Variants in ITGA8 observed in about 807,000 individuals in gnomAD.
The protein encoded by ITGA8 is integrin subunit alpha 8, also known as integrin alpha-8.
In ITGA8, 91 loss-of-function variants were observed where a neutral mutation model predicts 142.3. The ratio of observed to expected loss-of-function variants is 0.64; its 90% CI spans 0.54 to 0.76. The LOEUF (loss-of-function observed/expected upper bound fraction) is 0.76, where lower values mean the gene tolerates loss of function less well. Among genes scored for constraint, ITGA8 ranks in the 30% least tolerant of loss-of-function variants. The pLI is 0.00. For synonymous variants in ITGA8, 505 were observed against 485.2 expected (o/e 1.04, Z -0.54); for missense variants, 1,406 against 1,327.7 (o/e 1.06, Z -0.92).
intron 13 of ITGA8, among the ~76,000 whole-genome samples, chr10:15,632,726 G>T (rs1833705559): frequency 6.6e-6 from 1 of 152,046 alleles, no homozygotes; most frequent in African/African-American, 2.4e-5. Flanking sequence ...TACAAATCTG[G>T]GCTTTTTTTT....
rs1356127229 is a variant in ITGA8 at position 15,526,055 on chromosome 10, C to A, written c.2982+4995G>T. Among the ~76,000 whole-genome samples, 3 of 152,258 alleles carry A rather than the reference C, an allele frequency of 2.0e-5. No individual in the cohort carries two copies. In the East Asian group the frequency reaches 5.8e-4, roughly 29 times the overall value. ...TGAAATGTGTGAAAATGAAATAAAA[C>A]CACAAGTTCTTCAGTTCCACTAGCC... is the stretch of plus-strand genomic sequence containing the variant. On this transcript the variant is annotated intron_variant, in intron 28 of 29. Transcript: ENST00000378076.
intron 2 of ITGA8, among the ~76,000 whole-genome samples, chr10:15,697,068 A>ACACACACACACACACACACACACACAC (rs1564414009): frequency 3.3e-4 from 14 of 42,428 alleles, no homozygotes; most frequent in Admixed American, 7.7e-4. Flanking sequence ...CACACACACA[A>ACACACACACACACACACACACACACAC]GAAATAGTAT....
intron 26 of ITGA8, among the ~76,000 whole-genome samples, chr10:15,554,733 T>C (rs540226097): frequency 0.058 from 8,757 of 151,872 alleles, 364 homozygotes; most frequent in Non-Finnish European, 0.09. Context: ...CTTTCTTTCT[T>C]TCTTTCTTTC....
intron 13 of ITGA8, among the ~76,000 whole-genome samples, chr10:15,630,100 G>A (rs570546543): frequency 2.6e-5 from 4 of 152,008 alleles, no homozygotes; most frequent in East Asian, 1.9e-4. Context: ...AGGGTTAAAC[G>A]CTAGCCAAGA....
chr10:15,638,769 T>A (rs1370899343), intron 13 of ITGA8, among the ~76,000 whole-genome samples: 1 of 152,218 alleles, frequency 6.6e-6, no homozygotes, highest in African/African-American at 2.4e-5. Flanking sequence ...GAATTTTGTT[T>A]CTGATCTACT....
intron 7 of ITGA8, among the ~76,000 whole-genome samples, chr10:15,672,167 C>G (rs1012703397): frequency 3.3e-5 from 5 of 152,260 alleles, no homozygotes; most frequent in Non-Finnish European, 4.4e-5. Context: ...ATTTCTTTTT[C>G]AAATTCATCA....
Position 15,607,772 on chromosome 10 carries a change from G to T in ITGA8, c.1669C>A (p.Leu557Ile). Residue 557 changes from leucine (L) to isoleucine (I), a missense_variant, in exon 17 of 30, where the codon CTC becomes ATC. Coordinates refer to ENST00000378076, the MANE Select transcript of ITGA8 (RefSeq NM_003638.3). ...LKQKGAIKRT[L>I]FLDNHQAHRV... ...TGAGCCTGATGGTTATCAAGGAAGA[G>T]CGTCCGTTTAATAGCTCCTTTCTGT... 6.2e-7 allele frequency: 1 copy of T among 1,613,450 alleles called. No individual in the cohort carries two copies. Among genetic ancestry groups the T allele is most frequent in the African/African-American group, 1.3e-5 (1 of 75,032 alleles).
chr10:15,621,329 A>G (rs919156616), intron 13 of ITGA8, among the ~76,000 whole-genome samples: 2 of 152,192 alleles, frequency 1.3e-5, no homozygotes, highest in Admixed American at 1.3e-4. Flanking sequence ...ACAACTGAGT[A>G]CTTTTAAGGA....
At chr10:15,634,153 C>A (rs1393440904) in intron 13 of ITGA8, among the ~76,000 whole-genome samples, 1 of 152,142 alleles carries the variant, frequency 6.6e-6, no homozygotes, top group African/African-American at 2.4e-5. Flanking sequence ...TAGCAAGAAA[C>A]ACTCTCTCTT....
At chr10:15,697,341 G>T (rs186342103) in intron 2 of ITGA8, among the ~76,000 whole-genome samples, 34 of 152,250 alleles carry the variant, frequency 2.2e-4, no homozygotes, top group African/African-American at 7.9e-4. Flanking sequence ...ATCAATAATT[G>T]TGAAGAATGG....
intron 27 of ITGA8, among the ~76,000 whole-genome samples, chr10:15,532,452 TAGTTACAGCC>T (rs1448511053): frequency 1.9e-5 from 2 of 105,436 alleles, no homozygotes; most frequent in East Asian, 5.1e-4. Context: ...AAAAAGCCTC[TAGTTACAGCC>T]AGTTGTCCCC....
chr10:15,551,594 G>A (rs189451303), intron 26 of ITGA8, among the ~76,000 whole-genome samples: 9 of 152,186 alleles, frequency 5.9e-5, no homozygotes, highest in East Asian at 1.9e-4. Context: ...ATTCTTAGGC[G>A]GAGGAGAAAT....
At chr10:15,527,906 CT>C (rs34758919) in intron 28 of ITGA8, among the ~76,000 whole-genome samples, 25,332 of 76,910 alleles carry the variant, frequency 0.33, 10,061 homozygotes, top group South Asian at 0.46. Flanking sequence ...TTCGGCTGGG[CT>C]TTTTTTTTTT....
At chr10:15,651,914 C>A (rs1345216104) in intron 11 of ITGA8, among the ~76,000 whole-genome samples, 2 of 152,074 alleles carry the variant, frequency 1.3e-5, no homozygotes, top group African/African-American at 2.4e-5. Context: ...TACATAGCAT[C>A]TAAGTAATTA....
At chr10:15,671,698 A>C in intron 7 of ITGA8, 51 bp from the exon 8 acceptor site, 4 of 1,413,760 alleles carry the variant, frequency 2.8e-6, no homozygotes, top group South Asian at 1.2e-5. Flanking sequence ...ACTTAACCTA[A>C]TGAGTTATAT....
chr10:15,637,975 A>G (rs1833803124), intron 13 of ITGA8, among the ~76,000 whole-genome samples: 1 of 152,152 alleles, frequency 6.6e-6, no homozygotes. Context: ...ATAATATTCT[A>G]CAATAAGCAC....
At chr10:15,700,855 A>G (rs1261876009) in intron 2 of ITGA8, among the ~76,000 whole-genome samples, 2 of 151,990 alleles carry the variant, frequency 1.3e-5, no homozygotes, top group South Asian at 2.1e-4. Context: ...ACCCCTTTAC[A>G]TTGTCTTCAT....
chr10:15,541,435 G>A (rs1833567379), intron 27 of ITGA8, among the ~76,000 whole-genome samples: 3 of 152,138 alleles, frequency 2.0e-5, no homozygotes, highest in African/African-American at 7.2e-5. Flanking sequence ...TGTTCACTTT[G>A]TTCAAAGGTA....
intron 25 of ITGA8, among the ~76,000 whole-genome samples, chr10:15,558,684 G>A (rs1282908621): frequency 6.6e-6 from 1 of 152,134 alleles, no homozygotes; most frequent in Non-Finnish European, 1.5e-5. Flanking sequence ...CATCCACATG[G>A]CTGAACCCCA....
Sources: allele counts gnomAD v4.1 joint callset (sites outside exome capture counted in the v4.1 genomes callset), GRCh38; gene constraint gnomAD v4.1.1; transcripts MANE v1.5; gene names NCBI Gene and HGNC (gene_info 2026-07-23, HGNC 2026-07-21).